PIK3R5: variants seen among roughly 807,000 people sequenced by gnomAD.
The protein encoded by PIK3R5 is phosphoinositide 3-kinase regulatory subunit 5.
In PIK3R5, 32 loss-of-function variants were observed where a neutral mutation model predicts 94.9. The ratio of observed to expected loss-of-function variants is 0.34; its 90% CI spans 0.25 to 0.45. PIK3R5 has a LOEUF of 0.45. Ranked by LOEUF, PIK3R5 falls within the 20% of genes least tolerant of loss-of-function variation. PIK3R5 has a pLI of 1.00. For synonymous variants in PIK3R5, 443 were observed against 479.4 expected (o/e 0.92, Z 0.99); for missense variants, 853 against 1,144.6 (o/e 0.75, Z 3.68).
At chr17:8,920,676 A>G (rs1360527156) in intron 1 of PIK3R5, among the ~76,000 whole-genome samples, 2 of 152,234 alleles carry the variant, frequency 1.3e-5, no homozygotes, top group Non-Finnish European at 1.5e-5. Flanking sequence ...TTCTGACAAT[A>G]TCATTCACTT....
chr17:8,893,595 C>A lies in PIK3R5; in HGVS notation c.473G>T (p.Ser158Ile). ...CCCCAAGAGCACTCACACGGTGGAG[C>A]TGCGGTGACTCCTGATGGGCAGGCC... ...EQGLPIRSHRSSTVTVLLLNP... is the reference protein window; with the variant it reads ...EQGLPIRSHRISTVTVLLLNP... The change falls in exon 6 of 19, where the codon AGC (serine) becomes ATC (isoleucine). Residue 158 changes from serine to isoleucine, a missense_variant. Physicochemically the swap from Ser to Ile is moderately radical, Grantham distance 142. Around this residue, in one of 6 missense-constraint regions of PIK3R5, gnomAD observed 161 missense variants for 249.5 expected, o/e 0.65. Coordinates refer to ENST00000447110, the MANE Select transcript of PIK3R5 (RefSeq NM_001142633.3). This position sits in a 1 kb window ranked among gnomAD's most constrained non-coding sequence, Gnocchi z 5.1. The A allele has an allele frequency of 6.2e-7, 1 of 1,613,648 alleles. No individual in the cohort carries two copies. Among genetic ancestry groups the A allele is most frequent in the Non-Finnish European group, 8.5e-7 (1 of 1,179,616 alleles).
At position 8,887,671 on chromosome 17, in the gene PIK3R5, G is replaced by A. The variant is rs776477216; in HGVS notation, c.1629C>T (p.Asn543=). The A allele has an allele frequency of 6.3e-7, 1 of 1,599,766 alleles. No individual in the cohort carries two copies. Among genetic ancestry groups the A allele is most frequent in the Non-Finnish European group, 8.5e-7 (1 of 1,173,058 alleles). ...AGAACCGTGTGAGGAGTGGGCGATT[G>A]TTCTCCAGCCGCCTGGCAAGAAGAA... ...RAYSNLRRLE[N]NRPLLTRFFK... Residue 543 remains asparagine (N), a synonymous_variant, in exon 11 of 19, where the codon AAC becomes AAT. Transcript: ENST00000447110.
At chr17:8,942,493 A>G (rs904294033) in intron 1 of PIK3R5, among the ~76,000 whole-genome samples, 1 of 152,124 alleles carries the variant, frequency 6.6e-6, no homozygotes, top group Non-Finnish European at 1.5e-5. Context: ...ACACCCTGAC[A>G]GGGGCAGGTT....
intron 3 of PIK3R5, among the ~76,000 whole-genome samples, chr17:8,907,565 C>A (rs1356330360): frequency 6.7e-6 from 1 of 149,180 alleles, no homozygotes; most frequent in African/African-American, 2.5e-5. Context: ...TTTATACTAT[C>A]TATATATATA....
At position 8,923,115 on chromosome 17, in the gene PIK3R5, T is replaced by C. The variant is rs2090788067; in HGVS notation, c.-13-11608A>G. On this transcript the variant is annotated intron_variant, in intron 1 of 18. Transcript: ENST00000447110. ...TGGGCCAGATACCATGCTTAGGGCT[T>C]GAAGCACATGATCTCATTTATTTTG... Among the ~76,000 whole-genome samples the C allele has an allele frequency of 1.3e-5, 2 of 152,118 alleles. 1 individual carries two copies. The highest frequency in any genetic ancestry group is 4.1e-4 in the South Asian group (2 of 4,830).
intron 1 of PIK3R5, among the ~76,000 whole-genome samples, chr17:8,952,487 G>GT (rs1264589357): frequency 4.6e-5 from 7 of 152,194 alleles, no homozygotes; most frequent in African/African-American, 1.7e-4. Flanking sequence ...TGGAGCACAG[G>GT]TTTTCTACAT....
chr17:8,881,918 A>T lies in PIK3R5; in HGVS notation c.2206-37T>A. On this transcript the variant is annotated intron_variant, in intron 15 of 18. Transcript: ENST00000447110. The surrounding 1 kb of genome is among the most constrained non-coding windows in gnomAD (Gnocchi z 4.8). ...GTGTAGCCAGACCCTCTGAGTCCAG[A>T]GGCCCCGGTGCCTGCTGCCTTCTCT... 1 of 1,520,658 alleles carries T rather than the reference A, an allele frequency of 6.6e-7. No homozygotes were observed. Among genetic ancestry groups the T allele is most frequent in the Non-Finnish European group, 9.1e-7 (1 of 1,101,974 alleles). 94.2% of individuals were successfully genotyped at this position (1,520,658 alleles called of 1,614,324 possible).
intron 1 of PIK3R5, among the ~76,000 whole-genome samples, chr17:8,950,258 A>G (rs2091353288): frequency 6.6e-6 from 1 of 152,246 alleles, no homozygotes. Flanking sequence ...CTAAAATGCC[A>G]GAGAACCCTG....
In PIK3R5 at chr17:8,935,437, G is replaced by T. The variant is rs879920750; in HGVS notation, c.-13-23930C>A. On this transcript the variant is annotated intron_variant, in intron 1 of 18. Coordinates refer to ENST00000447110, the MANE Select transcript of PIK3R5 (RefSeq NM_001142633.3). The surrounding 1 kb of genome is among the most constrained non-coding windows in gnomAD (Gnocchi z 4.5). ...AGTCTTCAGAGGTGTTGAACGAGTC[G>T]TTTTTGGCCACCCACAGTGTGGGCA... is the stretch of plus-strand genomic sequence containing the variant. Among the ~76,000 whole-genome samples, 1 of 152,102 alleles carries T rather than the reference G, an allele frequency of 6.6e-6. No individual in the cohort carries two copies. Among genetic ancestry groups the T allele is most frequent in the Non-Finnish European group, 1.5e-5 (1 of 68,004 alleles).
Position 8,880,635 on chromosome 17 carries a change from C to T in PIK3R5, c.*4G>A. 2 of 1,602,194 alleles carry T rather than the reference C, an allele frequency of 1.2e-6. No homozygotes were observed. The highest frequency in any genetic ancestry group is 1.7e-6 in the Non-Finnish European group (2 of 1,174,416). Reference sequence around the variant, plus strand: ...CTTCTGTCCAGTCTGGCGCTGGGCCCACACTAGGGCAGAGCTCCACTGAAA... The same window carrying T: ...CTTCTGTCCAGTCTGGCGCTGGGCCTACACTAGGGCAGAGCTCCACTGAAA... On this transcript the variant is annotated 3_prime_UTR_variant, in exon 19 of 19. Transcript: ENST00000447110.
chr17:8,930,130 G>A lies in PIK3R5; in HGVS notation c.-13-18623C>T, dbSNP rs569772687. Among the ~76,000 whole-genome samples, 5 of 152,198 alleles carry A rather than the reference G, an allele frequency of 3.3e-5. No individual in the cohort carries two copies. The East Asian group carries it at 9.6e-4, about 29-fold the overall frequency. ...TAGAGCACTCCACCTAACAACAGCAGAATACACATTTTTTTCAAGTACTTA... is the reference window on the plus strand; with the variant it reads ...TAGAGCACTCCACCTAACAACAGCAAAATACACATTTTTTTCAAGTACTTA... On this transcript the variant is annotated intron_variant, in intron 1 of 18. Coordinates refer to ENST00000447110, the MANE Select transcript of PIK3R5 (RefSeq NM_001142633.3).
At chr17:8,891,961 G>A (rs970057668) in intron 6 of PIK3R5, among the ~76,000 whole-genome samples, 2 of 152,152 alleles carry the variant, frequency 1.3e-5, no homozygotes, top group African/African-American at 4.8e-5. Flanking sequence ...CTGAGGCGCT[G>A]ATCACTCTGT....
At position 8,884,698 on chromosome 17, in the gene PIK3R5, G is replaced by A. The variant is rs762746714; in HGVS notation, c.2205+9C>T. 1.5e-5 allele frequency: 24 copies of A among 1,607,428 alleles called. No individual in the cohort carries two copies. The highest frequency in any genetic ancestry group is 1.5e-5 in the Non-Finnish European group (18 of 1,174,372). The stretch of plus-strand genomic sequence containing the variant: ...CCTGGAGGGGAAGGAGCCCCAGCAC[G>A]GGTCTTACCTTGCTGTAAATAATCT... On this transcript the variant is annotated intron_variant, in intron 15 of 18. Transcript: ENST00000447110. The surrounding 1 kb of genome is among the most constrained non-coding windows in gnomAD (Gnocchi z 5.8).
In PIK3R5 at chr17:8,945,786, C is replaced by A. The variant is rs1344888484; in HGVS notation, c.-14+19810G>T. 1.3e-5 allele frequency among the ~76,000 whole-genome samples: 2 copies of A among 152,206 alleles called. No individual in the cohort carries two copies. Among genetic ancestry groups the A allele is most frequent in the Non-Finnish European group, 2.9e-5 (2 of 68,050 alleles). ...AACTTGGGTGGGCTTGTGACTGCCA[C>A]AATCAAAACAGATTATAGCGGAAGT... is the stretch of plus-strand genomic sequence containing the variant. On this transcript the variant is annotated intron_variant, in intron 1 of 18. Coordinates refer to ENST00000447110, the MANE Select transcript of PIK3R5 (RefSeq NM_001142633.3). This position sits in a 1 kb window ranked among gnomAD's most constrained non-coding sequence, Gnocchi z 4.0.
chr17:8,924,212 G>A (rs900704628), intron 1 of PIK3R5, among the ~76,000 whole-genome samples: 1 of 151,026 alleles, frequency 6.6e-6, no homozygotes, highest in Non-Finnish European at 1.5e-5. Flanking sequence ...TCAAGTAGCT[G>A]GAACTACAGG....
At chr17:8,887,004 C>T in intron 12 of PIK3R5, 92 bp downstream of exon 12, 1 of 1,489,724 alleles carries the variant, frequency 6.7e-7, no homozygotes, top group African/African-American at 1.4e-5. Flanking sequence ...CCATGGGGGC[C>T]TCAAGCCTGA....
chr17:8,962,548 C>T (rs2091584994), intron 1 of PIK3R5, among the ~76,000 whole-genome samples: 1 of 152,194 alleles, frequency 6.6e-6, no homozygotes, highest in East Asian at 1.9e-4. Context: ...TCTGTGTGGA[C>T]CTGTGTATCG....
At chr17:8,959,717 C>A (rs1343424933) in intron 1 of PIK3R5, among the ~76,000 whole-genome samples, 1 of 152,174 alleles carries the variant, frequency 6.6e-6, no homozygotes, top group Non-Finnish European at 1.5e-5. Context: ...CCCAGTGATA[C>A]GTCTGCACAG....
intron 5 of PIK3R5, among the ~76,000 whole-genome samples, chr17:8,899,052 G>A (rs2090217419): frequency 6.6e-6 from 1 of 152,226 alleles, no homozygotes; most frequent in Non-Finnish European, 1.5e-5. Flanking sequence ...TTCTTTGCAG[G>A]AAAGTATTGT....
Sources: allele counts gnomAD v4.1 joint callset (sites outside exome capture counted in the v4.1 genomes callset), GRCh38; gene constraint gnomAD v4.1.1; regional missense constraint gnomAD v4.1.1; non-coding constraint Gnocchi (gnomAD v3.1); transcripts MANE v1.5; gene names NCBI Gene and HGNC (gene_info 2026-07-23, HGNC 2026-07-21).